The following MLLT3 variants were observed in gnomAD, a reference collection of about 807,000 sequenced individuals.
MLLT3 encodes protein AF-9.
MLLT3 carries 4 observed loss-of-function variants against 53.2 expected under a neutral mutation model. That is an observed-to-expected ratio of 0.08 (90% CI 0.04 to 0.17). The LOEUF (loss-of-function observed/expected upper bound fraction) is 0.17, where lower values mean the gene tolerates loss of function less well. Among genes scored for constraint, MLLT3 ranks in the 10% least tolerant of loss-of-function variants. The pLI, the probability that MLLT3 is intolerant of heterozygous loss-of-function variation, is 1.00. For synonymous variants in MLLT3, 283 were observed against 230.6 expected (o/e 1.23, Z -2.06); for missense variants, 569 against 684.0 (o/e 0.83, Z 1.87).
At chr9:20,486,498 C>A (rs1302500991) in intron 2 of MLLT3, among the ~76,000 whole-genome samples, 1 of 152,148 alleles carries the variant, frequency 6.6e-6, no homozygotes, top group Admixed American at 6.5e-5. Flanking sequence ...AACATCCTAT[C>A]CTCTACAGGC....
intron 2 of MLLT3, among the ~76,000 whole-genome samples, chr9:20,527,615 G>A (rs1319391104): frequency 6.6e-6 from 1 of 152,178 alleles, no homozygotes; most frequent in African/African-American, 2.4e-5. Flanking sequence ...TGAACAGTCT[G>A]TATCTCAACA....
At chr9:20,575,053 G>A (rs1315521600) in intron 2 of MLLT3, among the ~76,000 whole-genome samples, 1 of 152,146 alleles carries the variant, frequency 6.6e-6, no homozygotes, top group Non-Finnish European at 1.5e-5. Context: ...TTTATCATGA[G>A]ATTGCAGCAA....
Position 20,342,924 on chromosome 9 carries a change from AG to A in MLLT3, c.*3518del, listed in dbSNP as rs2118569367. The A allele has an allele frequency of 5.3e-6, 1 of 188,088 alleles. No homozygotes were observed. The highest frequency in any genetic ancestry group is 2.4e-5 in the African/African-American group (1 of 42,524). 11.7% of individuals were successfully genotyped at this position (188,088 alleles called of 1,614,324 possible). On this transcript the variant is annotated 3_prime_UTR_variant, in exon 11 of 11. Coordinates refer to ENST00000380338, the MANE Select transcript of MLLT3 (RefSeq NM_004529.4). ...TAAAGGTGGAAAGTAATAAGCATAC[AG>A]CAAATTACTCCAGAGCAGATCACTT...
chr9:20,592,503 A>AC (rs1373414006), intron 2 of MLLT3, among the ~76,000 whole-genome samples: 1 of 152,146 alleles, frequency 6.6e-6, no homozygotes, highest in African/African-American at 2.4e-5. Context: ...TTATAAGGAC[A>AC]CAAGTCATAT....
intron 2 of MLLT3, 127 bp from the exon 3 acceptor site, chr9:20,456,913 C>T: frequency 3.1e-6 from 2 of 637,690 alleles, no homozygotes. Context: ...TTGCCAAACT[C>T]CCAGTTGAGT....
Position 20,468,335 on chromosome 9 carries a change from C to A in MLLT3, c.194-11549G>T, listed in dbSNP as rs538217499. On this transcript the variant is annotated intron_variant, in intron 2 of 10. Transcript: ENST00000380338. ...TTTGTTTTTATTTTTGCTGTCATAGCTCCTTGACAGGGATATGTGAAAAAA... is the reference window on the plus strand; with the variant it reads ...TTTGTTTTTATTTTTGCTGTCATAGATCCTTGACAGGGATATGTGAAAAAA... Among the ~76,000 whole-genome samples the A allele has an allele frequency of 1.8e-3, 278 of 152,166 alleles. 1 individual carries two copies. Among genetic ancestry groups the A allele is most frequent in the African/African-American group, 6.2e-3 (259 of 41,498 alleles).
chr9:20,473,265 C>T (rs1168609848), intron 2 of MLLT3, among the ~76,000 whole-genome samples: 3 of 152,074 alleles, frequency 2.0e-5, no homozygotes, highest in East Asian at 1.9e-4. Context: ...GTTAAAGTTA[C>T]TTCTCTCATC....
intron 2 of MLLT3, among the ~76,000 whole-genome samples, chr9:20,550,718 A>G (rs1337177655): frequency 6.6e-6 from 1 of 152,008 alleles, no homozygotes; most frequent in African/African-American, 2.4e-5. Context: ...TTTTAATATG[A>G]TAAAGCTTGT....
chr9:20,503,101 T>A (rs1160370060), intron 2 of MLLT3, among the ~76,000 whole-genome samples: 1 of 152,102 alleles, frequency 6.6e-6, no homozygotes, highest in Non-Finnish European at 1.5e-5. Context: ...GTGGAGAAAT[T>A]AATAGTGTTA....
At chr9:20,583,707 T>C (rs1819867699) in intron 2 of MLLT3, among the ~76,000 whole-genome samples, 1 of 152,160 alleles carries the variant, frequency 6.6e-6, no homozygotes, top group South Asian at 2.1e-4. Context: ...TTGTTCCCTT[T>C]CAGCCATGGC....
At chr9:20,464,031 G>A (rs919022662) in intron 2 of MLLT3, among the ~76,000 whole-genome samples, 5 of 151,928 alleles carry the variant, frequency 3.3e-5, no homozygotes, top group African/African-American at 1.2e-4. Context: ...CCATTGAAGA[G>A]TATCACTTCC....
chr9:20,487,057 TA>T (rs893258917), intron 2 of MLLT3, among the ~76,000 whole-genome samples: 4 of 152,130 alleles, frequency 2.6e-5, no homozygotes, highest in South Asian at 2.1e-4. Flanking sequence ...AATCAGACTA[TA>T]AAAAATCAAT....
chr9:20,347,808 A>T (rs1820915187), intron 10 of MLLT3, among the ~76,000 whole-genome samples: 1 of 152,212 alleles, frequency 6.6e-6, no homozygotes, highest in South Asian at 2.1e-4. Context: ...TTAGGTCAAT[A>T]ATCTTAAAAA....
chr9:20,419,717 C>T (rs996982873), intron 4 of MLLT3, among the ~76,000 whole-genome samples: 1 of 151,992 alleles, frequency 6.6e-6, no homozygotes, highest in African/African-American at 2.4e-5. Context: ...CAGTCTGTTG[C>T]GAAAGAAGTA....
Position 20,620,775 on chromosome 9 carries a change from G to C in MLLT3, c.72C>G (p.Thr24=), listed in dbSNP as rs775745897. The C allele has an allele frequency of 5.0e-6, 8 of 1,614,134 alleles. No individual in the cohort carries two copies. Among genetic ancestry groups the C allele is most frequent in the Non-Finnish European group, 6.8e-6 (8 of 1,180,026 alleles). The change falls in exon 2 of 11, where the codon ACC becomes ACG. Residue 24 remains threonine (T), a synonymous_variant. Coordinates refer to ENST00000380338, the MANE Select transcript of MLLT3 (RefSeq NM_004529.4). This position sits in a 1 kb window ranked among gnomAD's most constrained non-coding sequence, Gnocchi z 6.1. ...TCCAGTCGTGGGTGAAGCCCTCCAC[G>C]GTGGGTTTTTTCCTCACCTGGGCGC... ...GHRAQVRKKP[T]VEGFTHDWMV...
At chr9:20,407,156 T>C (rs994749918) in intron 5 of MLLT3, among the ~76,000 whole-genome samples, 2 of 152,194 alleles carry the variant, frequency 1.3e-5, no homozygotes, top group Non-Finnish European at 2.9e-5. Flanking sequence ...AAAATGTAAC[T>C]AGGAAATTCA....
At chr9:20,548,153 T>C (rs529480855) in intron 2 of MLLT3, among the ~76,000 whole-genome samples, 1 of 152,360 alleles carries the variant, frequency 6.6e-6, no homozygotes, top group South Asian at 2.1e-4. Flanking sequence ...TTGTTTAAGT[T>C]TAAAATTAAA....
intron 10 of MLLT3, among the ~76,000 whole-genome samples, chr9:20,350,421 C>T (rs530956864): frequency 1.3e-5 from 2 of 151,864 alleles, no homozygotes; most frequent in South Asian, 2.1e-4. Context: ...CGGTGAAACC[C>T]CGTCTCTACT....
At chr9:20,358,574 CT>C (rs945810580) in intron 8 of MLLT3, among the ~76,000 whole-genome samples, 47 of 152,320 alleles carry the variant, frequency 3.1e-4, no homozygotes, top group Admixed American at 2.3e-3. Context: ...GAGTCTAAAC[CT>C]TTCCCTAAAG....
Sources: allele counts gnomAD v4.1 joint callset (sites outside exome capture counted in the v4.1 genomes callset), GRCh38; gene constraint gnomAD v4.1.1; non-coding constraint Gnocchi (gnomAD v3.1); transcripts MANE v1.5; gene names NCBI Gene and HGNC (gene_info 2026-07-23, HGNC 2026-07-21).